Variants in ABCB10 observed in about 807,000 individuals in gnomAD.
The protein encoded by ABCB10 is ATP binding cassette subfamily B member 10.
Under a neutral mutation model 65.4 loss-of-function variants are expected in ABCB10, and 54 were observed. The ratio of observed to expected loss-of-function variants is 0.83; its 90% CI spans 0.66 to 1.04. The LOEUF (loss-of-function observed/expected upper bound fraction) is 1.04. Ranked by LOEUF, ABCB10 falls within the 50% of genes least tolerant of loss-of-function variation. ABCB10 has a pLI of 0.00. For missense variants in ABCB10, 846 were observed against 976.6 expected (o/e 0.87, Z 1.78); for synonymous variants, 418 against 406.5 (o/e 1.03, Z -0.34).
At position 229,517,179 on chromosome 1, in the gene ABCB10, AG is replaced by A. The variant is rs1371442318; in HGVS notation, c.*999del. On this transcript the variant is annotated 3_prime_UTR_variant, in exon 13 of 13. Transcript: ENST00000344517. ...GGCTTATTAATATCTTCTTTTCAGG[AG>A]AGTGATACATTCTGAAGTTTTCTTG... 2 of 152,340 alleles carry A rather than the reference AG, an allele frequency of 1.3e-5. No homozygotes were observed. Among genetic ancestry groups the A allele is most frequent in the East Asian group, 3.9e-4 (2 of 5,188 alleles). The allele number at this position is 152,340 out of a possible 1,614,324, so 9.4% of individuals were successfully genotyped here.
Position 229,517,660 on chromosome 1 carries a change from G to A in ABCB10, c.*519C>T, listed in dbSNP as rs1043053871. 6.5e-6 allele frequency: 1 copy of A among 153,620 alleles called. No homozygotes were observed. The highest frequency in any genetic ancestry group is 1.4e-5 in the Non-Finnish European group (1 of 69,156). The allele number at this position is 153,620 out of a possible 1,614,324, so 9.5% of individuals were successfully genotyped here. On this transcript the variant is annotated 3_prime_UTR_variant, in exon 13 of 13. Transcript: ENST00000344517. ...TATAAATGTTCCCTTCTTTCCAGCT[G>A]ATGTTAAATAGTTAGGTTTGCTTCA...
At chr1:229,519,366 T>C (rs1373221743) in intron 11 of ABCB10, among the ~76,000 whole-genome samples, 5 of 152,224 alleles carry the variant, frequency 3.3e-5, no homozygotes, top group Admixed American at 3.3e-4. Flanking sequence ...TTTTAAATGA[T>C]CATCAGAGTA....
chr1:229,539,244 C>T (rs1042065231), intron 6 of ABCB10, among the ~76,000 whole-genome samples: 1 of 152,160 alleles, frequency 6.6e-6, no homozygotes, highest in Non-Finnish European at 1.5e-5. Flanking sequence ...TGCAAAGATC[C>T]CCAAACTTCC....
intron 2 of ABCB10, among the ~76,000 whole-genome samples, chr1:229,548,332 G>T (rs1230601583): frequency 6.6e-6 from 1 of 152,028 alleles, no homozygotes; most frequent in Admixed American, 6.5e-5. Context: ...TATTTACAAA[G>T]AAGTTTTATT....
intron 11 of ABCB10, 39 bp downstream of exon 11, chr1:229,521,553 T>A: frequency 6.4e-7 from 1 of 1,553,334 alleles, no homozygotes; most frequent in East Asian, 2.3e-5. Context: ...ATAAAAATAA[T>A]CCCTAATTTA....
chr1:229,539,508 AC>A lies in ABCB10; in HGVS notation c.1286del (p.Gly429ValfsTer7). 4 of 1,613,974 alleles carry A rather than the reference AC, an allele frequency of 2.5e-6. No individual in the cohort carries two copies. The highest frequency in any genetic ancestry group is 3.4e-6 in the Non-Finnish European group (4 of 1,179,902). On this transcript the variant is annotated frameshift_variant, in exon 6 of 13. Transcript: ENST00000344517. LOFTEE classifies it high-confidence loss of function. ...LLMGSAHMTV[G>X]ELSSFLMYAF... ...CATACATTAGGAAGGAAGAGAGTTC[AC>A]CCACGGTCATGTGGGCACTGCCCAT... is the stretch of plus-strand genomic sequence containing the variant.
chr1:229,519,893 A>AG (rs1255795301), intron 11 of ABCB10, among the ~76,000 whole-genome samples: 3 of 152,166 alleles, frequency 2.0e-5, no homozygotes, highest in Non-Finnish European at 2.9e-5. Context: ...TGGCAGGCTG[A>AG]GGGGGGAGGA....
intron 1 of ABCB10, among the ~76,000 whole-genome samples, chr1:229,555,812 T>A (rs1298279057): frequency 1.3e-5 from 2 of 152,152 alleles, no homozygotes; most frequent in Non-Finnish European, 2.9e-5. Flanking sequence ...AATGATAAAT[T>A]ACACATTTTT....
At chr1:229,544,481 T>C (rs566369085) in intron 3 of ABCB10, among the ~76,000 whole-genome samples, 2 of 144,554 alleles carry the variant, frequency 1.4e-5, no homozygotes, top group African/African-American at 5.1e-5. Flanking sequence ...GTAGGCCCAC[T>C]ATGTAAATTA....
intron 6 of ABCB10, 28 bp from the exon 7 acceptor site, chr1:229,531,759 CAT>C (rs1558122234): frequency 1.9e-6 from 3 of 1,594,424 alleles, no homozygotes; most frequent in Admixed American, 1.7e-5. Flanking sequence ...AATCCACACA[CAT>C]GTCCATCACT....
intron 1 of ABCB10, among the ~76,000 whole-genome samples, chr1:229,556,157 C>A (rs979723037): frequency 6.6e-6 from 1 of 152,160 alleles, no homozygotes; most frequent in Non-Finnish European, 1.5e-5. Context: ...GGGCAGATCA[C>A]CCGAGGTCGG....
chr1:229,521,863 ATTTTC>A (rs563710163), intron 10 of ABCB10, among the ~76,000 whole-genome samples: 117 of 152,136 alleles, frequency 7.7e-4, no homozygotes, highest in African/African-American at 2.1e-3. Flanking sequence ...TATACCAAGT[ATTTTC>A]TTTTCTTTCT....
chr1:229,542,522 G>T (rs1447187255), intron 3 of ABCB10, 151 bp from the exon 4 acceptor site: 2 of 926,278 alleles, frequency 2.2e-6, no homozygotes, highest in Non-Finnish European at 3.1e-6. Flanking sequence ...TCCCCAAGTT[G>T]TTACATCCTG....
chr1:229,526,895 G>C (rs1030331197), intron 9 of ABCB10, among the ~76,000 whole-genome samples: 1 of 152,106 alleles, frequency 6.6e-6, no homozygotes, highest in Non-Finnish European at 1.5e-5. Flanking sequence ...TGTGGCTGGT[G>C]ATGAAAATGG....
In ABCB10 at chr1:229,542,333, G is replaced by A. The variant is rs188771123; in HGVS notation, c.960C>T (p.Ser320=). 4.5e-5 allele frequency: 73 copies of A among 1,613,852 alleles called. No homozygotes were observed. Among genetic ancestry groups the A allele is most frequent in the Non-Finnish European group, 5.0e-5 (59 of 1,179,950 alleles). The change falls in exon 4 of 13, where the codon AGC becomes AGT. Residue 320 remains serine, a synonymous_variant. Transcript: ENST00000344517. The part of the protein sequence containing the change: ...VSPNLATFVL[S]VVPPVSIIAV... ...CAATGATTGACACTGGAGGCACCAC[G>A]CTCAAAACAAAGGTGGCCAGATTAG...
At chr1:229,527,810 T>C (rs1394984212) in intron 8 of ABCB10, among the ~76,000 whole-genome samples, 1 of 152,208 alleles carries the variant, frequency 6.6e-6, no homozygotes, top group Non-Finnish European at 1.5e-5. Flanking sequence ...GGCCTGGTTC[T>C]GGGGTGGAGT....
At chr1:229,536,651 C>T (rs1662728052) in intron 6 of ABCB10, among the ~76,000 whole-genome samples, 1 of 152,090 alleles carries the variant, frequency 6.6e-6, no homozygotes, top group Non-Finnish European at 1.5e-5. Flanking sequence ...TATTATTCAA[C>T]CATAAAAAGG....
At chr1:229,528,156 G>A (rs1351555056) in intron 8 of ABCB10, among the ~76,000 whole-genome samples, 2 of 152,148 alleles carry the variant, frequency 1.3e-5, no homozygotes, top group African/African-American at 2.4e-5. Context: ...TCACAAACTG[G>A]CAAAAACTTG....
chr1:229,520,943 G>T (rs529598883), intron 11 of ABCB10, among the ~76,000 whole-genome samples: 7 of 152,298 alleles, frequency 4.6e-5, no homozygotes, highest in Admixed American at 4.6e-4. Flanking sequence ...TCTTTTTAGG[G>T]TGACAGAAAT....
Sources: gnomAD v4.1 joint callset for allele counts (sites outside exome capture counted in the v4.1 genomes callset) on GRCh38, gnomAD v4.1.1 for gene constraint, MANE v1.5 for transcripts, NCBI Gene and HGNC (gene_info 2026-07-23, HGNC 2026-07-21) for gene names.